The following GPR149 variants were observed in gnomAD, a reference collection of about 807,000 sequenced individuals.
GPR149 encodes G protein-coupled receptor 149.
A neutral mutation model predicts 50.2 loss-of-function variants in GPR149; 50 were observed. That is an observed-to-expected ratio of 1.00 (90% CI 0.79 to 1.26). The LOEUF is 1.26. Ranked by LOEUF, GPR149 falls within the 50% of genes most tolerant of loss-of-function variation. GPR149 has a pLI of 0.00. For synonymous variants in GPR149, 405 were observed against 358.2 expected, an observed-to-expected ratio of 1.13 and a Z score of -1.48; for missense variants, 983 against 895.4, an observed-to-expected ratio of 1.10 and a Z score of -1.25.
chr3:154,355,177 G>A (rs1714189534), intron 3 of GPR149, among the ~76,000 whole-genome samples: 1 of 152,078 alleles, frequency 6.6e-6, no homozygotes, highest in South Asian at 2.1e-4. Context: ...ACAGGTCCGT[G>A]CCACCAGGCC....
In GPR149 at chr3:154,421,173, C is replaced by A; in HGVS notation, c.1489G>T (p.Gly497Ter). Residue 497 changes from glycine (G) to a stop codon, truncating the protein, a stop_gained, in exon 3 of 4, where the codon GGA (glycine) becomes TGA (stop). Transcript: ENST00000389740. LOFTEE classifies it high-confidence loss of function. ...GTTTCTTCATAGTTAATATCACCTC[C>A]TGTTTTGTCAGAAAACGCATCCTTT... The part of the protein sequence containing the change: ...NKKDAFSDKT[G>*]GDINYEETTF... The A allele has an allele frequency of 6.2e-7, 1 of 1,613,508 alleles. No homozygotes were observed.
Position 154,337,311 on chromosome 3 carries a change from T to A in GPR149, c.*388A>T, listed in dbSNP as rs190863974. Among the ~76,000 whole-genome samples the A allele has an allele frequency of 6.6e-6, 1 of 152,288 alleles. No homozygotes were observed. Among genetic ancestry groups the A allele is most frequent in the East Asian group, 1.9e-4 (1 of 5,180 alleles). On this transcript the variant is annotated 3_prime_UTR_variant, in exon 4 of 4. Transcript: ENST00000389740. ...TTCCATTCCCAGAATTCCTCTTTTTTCCCCTTTGCAGTAAAGGCCAACATT... is the reference window on the plus strand; with the variant it reads ...TTCCATTCCCAGAATTCCTCTTTTTACCCCTTTGCAGTAAAGGCCAACATT...
intron 3 of GPR149, among the ~76,000 whole-genome samples, chr3:154,376,690 G>A (rs915491237): frequency 5.3e-5 from 8 of 152,128 alleles, no homozygotes; most frequent in African/African-American, 1.9e-4. Flanking sequence ...TTTCTGTTTT[G>A]GAGAGCTTTA....
intron 3 of GPR149, among the ~76,000 whole-genome samples, chr3:154,358,207 G>A (rs548204774): frequency 6.6e-6 from 1 of 152,150 alleles, no homozygotes; most frequent in South Asian, 2.1e-4. Context: ...GAGTTAATGG[G>A]TGCAGCACAC....
intron 3 of GPR149, among the ~76,000 whole-genome samples, chr3:154,355,990 C>A (rs368426022): frequency 2.6e-5 from 4 of 152,090 alleles, no homozygotes; most frequent in African/African-American, 9.7e-5. Context: ...ATACAAAGAG[C>A]ATCAAACTAA....
At chr3:154,426,278 A>C (rs7614655) in intron 2 of GPR149, among the ~76,000 whole-genome samples, 73,078 of 151,946 alleles carry the variant, frequency 0.48, 17,986 homozygotes, top group African/African-American at 0.6. Context: ...ATTTTCTGGT[A>C]ATTTGAAAAA....
chr3:154,338,272 C>T lies in GPR149; in HGVS notation c.1624-1G>A. 1 of 1,532,956 alleles carries T rather than the reference C, an allele frequency of 6.5e-7. No homozygotes were observed. The highest frequency in any genetic ancestry group is 8.8e-7 in the Non-Finnish European group (1 of 1,141,488). The allele number at this position is 1,532,956 out of a possible 1,614,324, so 95.0% of individuals were successfully genotyped here. Reference sequence around the variant, plus strand: ...GAATGGCAAGGGCATAACCGGAACGCTGGGGACAAAAACAAAATTGTTATT... The same window carrying T: ...GAATGGCAAGGGCATAACCGGAACGTTGGGGACAAAAACAAAATTGTTATT... On this transcript the variant is annotated splice_acceptor_variant, in intron 3 of 3. Coordinates refer to ENST00000389740, the MANE Select transcript of GPR149 (RefSeq NM_001038705.3). LOFTEE classifies it high-confidence loss of function.
Position 154,421,045 on chromosome 3 carries a change from A to T in GPR149, c.1617T>A (p.Pro539=), listed in dbSNP as rs746962315. 3.1e-6 allele frequency: 5 copies of T among 1,600,098 alleles called. No individual in the cohort carries two copies. In the Admixed American group the frequency reaches 8.7e-5, roughly 28 times the overall value. ...EWCRSKSERT[P]RQRSGYALAI... ...AGAACAACTTTTACTGTACCTGACG[A>T]GGGGTTCTTTCTGATTTACTCCTAC... Residue 539 remains proline, a synonymous_variant, in exon 3 of 4, where the codon CCT becomes CCA. Coordinates refer to ENST00000389740, the MANE Select transcript of GPR149 (RefSeq NM_001038705.3).
Position 154,428,945 on chromosome 3 carries a change from C to T in GPR149, c.671G>A (p.Arg224Lys), listed in dbSNP as rs1218259890. The T allele has an allele frequency of 6.2e-7, 1 of 1,613,750 alleles. No homozygotes were observed. The highest frequency in any genetic ancestry group is 1.3e-5 in the African/African-American group (1 of 74,850). The change falls in exon 1 of 4, where the codon AGA (arginine) becomes AAA (lysine). Residue 224 changes from arginine (R) to lysine (K), a missense_variant. By Grantham distance (26) the Arg-to-Lys change is conservative (BLOSUM62 2). Transcript: ENST00000389740. ...HRLLCSEEPPRLHSNYQEISR... is the reference protein window; with the variant it reads ...HRLLCSEEPPKLHSNYQEISR... Reference sequence around the variant, plus strand: ...AATTTCCTGGTAGTTGGAGTGGAGTCTCGGCGGCTCCTCCGAACACAGCAA... The same window carrying T: ...AATTTCCTGGTAGTTGGAGTGGAGTTTCGGCGGCTCCTCCGAACACAGCAA...
chr3:154,365,927 C>G (rs1714521688), intron 3 of GPR149, among the ~76,000 whole-genome samples: 1 of 152,156 alleles, frequency 6.6e-6, no homozygotes, highest in Non-Finnish European at 1.5e-5. Flanking sequence ...CAGAATTGCC[C>G]TTAATGCTCC....
At chr3:154,420,069 A>C (rs1712093872) in intron 3 of GPR149, among the ~76,000 whole-genome samples, 1 of 151,984 alleles carries the variant, frequency 6.6e-6, no homozygotes, top group South Asian at 2.1e-4. Context: ...AATAAAGAAA[A>C]TCTCAAATTA....
intron 3 of GPR149, among the ~76,000 whole-genome samples, chr3:154,388,546 C>T (rs866075368): frequency 1.3e-5 from 2 of 151,998 alleles, no homozygotes; most frequent in Non-Finnish European, 2.9e-5. Context: ...TACCTGAGGG[C>T]TAATTTAGGA....
At chr3:154,385,788 A>G (rs888305983) in intron 3 of GPR149, among the ~76,000 whole-genome samples, 1 of 148,698 alleles carries the variant, frequency 6.7e-6, no homozygotes, top group Non-Finnish European at 1.5e-5. Flanking sequence ...TGCAAGCTCC[A>G]CCTTCCGGGT....
chr3:154,339,424 A>C (rs1001772056), intron 3 of GPR149, among the ~76,000 whole-genome samples: 1 of 152,246 alleles, frequency 6.6e-6, no homozygotes, highest in Non-Finnish European at 1.5e-5. Flanking sequence ...TAAAACCTAC[A>C]GTTACTAACT....
chr3:154,385,066 G>A (rs1715016193), intron 3 of GPR149, among the ~76,000 whole-genome samples: 1 of 152,190 alleles, frequency 6.6e-6, no homozygotes, highest in Non-Finnish European at 1.5e-5. Context: ...CAAAGGATAT[G>A]AGTGTGTTTC....
chr3:154,335,809 G>T lies in GPR149; in HGVS notation c.*1890C>A, dbSNP rs562571813. ...CTTCAAATCTTTGCTATTTTCTTCA[G>T]CTTTATTATGATCCTGTGTCTAATT... On this transcript the variant is annotated 3_prime_UTR_variant, in exon 4 of 4. Coordinates refer to ENST00000389740, the MANE Select transcript of GPR149 (RefSeq NM_001038705.3). 1.3e-5 allele frequency: 2 copies of T among 152,070 alleles called. No individual in the cohort carries two copies. Among genetic ancestry groups the T allele is most frequent in the South Asian group, 2.1e-4 (1 of 4,822 alleles). 9.4% of individuals were successfully genotyped at this position (152,070 alleles called of 1,614,324 possible). A position where few individuals can be genotyped will look rare whatever the true frequency, so the allele number is the denominator to read the frequency against.
chr3:154,337,560 TC>T lies in GPR149; in HGVS notation c.*138del, dbSNP rs1713683193. 2 of 643,472 alleles carry T rather than the reference TC, an allele frequency of 3.1e-6. No homozygotes were observed. The highest frequency in any genetic ancestry group is 2.9e-5 in the South Asian group (1 of 34,988). 39.9% of individuals were successfully genotyped at this position (643,472 alleles called of 1,614,324 possible). A position where few individuals can be genotyped will look rare whatever the true frequency, so the allele number is the denominator to read the frequency against. On this transcript the variant is annotated 3_prime_UTR_variant, in exon 4 of 4. Transcript: ENST00000389740. ...AAGTGTTTACACTAGTTCCAGTTGTTCCCACAAAAAAATTAACTATTAAATC... is the reference window on the plus strand; with the variant it reads ...AAGTGTTTACACTAGTTCCAGTTGTTCCACAAAAAAATTAACTATTAAATC...
At chr3:154,364,276 A>G (rs1449515829) in intron 3 of GPR149, among the ~76,000 whole-genome samples, 1 of 152,218 alleles carries the variant, frequency 6.6e-6, no homozygotes, top group Non-Finnish European at 1.5e-5. Flanking sequence ...TTAAGTTACA[A>G]CATGAGTTTT....
intron 3 of GPR149, among the ~76,000 whole-genome samples, chr3:154,367,955 C>T (rs940330330): frequency 6.6e-6 from 1 of 152,146 alleles, no homozygotes; most frequent in African/African-American, 2.4e-5. Context: ...AGGCGATTAG[C>T]GCGGCCGCCG....
Sources: allele counts gnomAD v4.1 joint callset (sites outside exome capture counted in the v4.1 genomes callset), GRCh38; gene constraint gnomAD v4.1.1; transcripts MANE v1.5; gene names NCBI Gene and HGNC (gene_info 2026-07-23, HGNC 2026-07-21).